Variants in SAMMSON observed in about 807,000 individuals in gnomAD.
SAMMSON encodes the protein survival associated mitochondrial melanoma specific oncogenic non-coding RNA.
At chr3:70,212,011 C>T (rs1701356316) in intron 4 of SAMMSON, among the ~76,000 whole-genome samples, 1 of 151,728 alleles carries the variant, frequency 6.6e-6, no homozygotes, top group Non-Finnish European at 1.5e-5. Context: ...GTATTTTTTC[C>T]TTAAGACTTT....
At chr3:70,149,990 T>TA (rs2067564702) in intron 4 of SAMMSON, among the ~76,000 whole-genome samples, 1 of 152,088 alleles carries the variant, frequency 6.6e-6, no homozygotes, top group South Asian at 2.1e-4. Flanking sequence ...TTTCAAAACT[T>TA]AATCATTACC....
chr3:70,050,339 C>T (rs2067141531), intron 3 of SAMMSON, among the ~76,000 whole-genome samples: 1 of 152,218 alleles, frequency 6.6e-6, no homozygotes, highest in Middle Eastern at 3.4e-3. Context: ...ATCTCACAAC[C>T]CCACCCAGGA....
At chr3:70,247,573 C>T (rs1216936354) in intron 4 of SAMMSON, among the ~76,000 whole-genome samples, 4 of 151,804 alleles carry the variant, frequency 2.6e-5, no homozygotes, top group Non-Finnish European at 5.9e-5. Flanking sequence ...ATCAATGCCA[C>T]AACTCAATTC....
chr3:70,078,493 C>T (rs569910634), intron 4 of SAMMSON, among the ~76,000 whole-genome samples: 1 of 152,222 alleles, frequency 6.6e-6, no homozygotes, highest in Admixed American at 6.5e-5. Flanking sequence ...GTTCTGTAGG[C>T]AGCCTTCAGA....
chr3:70,144,171 T>C (rs933714818), intron 4 of SAMMSON, among the ~76,000 whole-genome samples: 1 of 152,158 alleles, frequency 6.6e-6, no homozygotes, highest in Non-Finnish European at 1.5e-5. Context: ...TATTTTTACC[T>C]TGACTTTTTT....
intron 4 of SAMMSON, among the ~76,000 whole-genome samples, chr3:70,119,089 G>A (rs1559518126): frequency 6.6e-6 from 1 of 151,770 alleles, no homozygotes; most frequent in African/African-American, 2.4e-5. Flanking sequence ...TTTTTGAGAC[G>A]GAGTTTCGCT....
chr3:70,407,069 C>T (rs1462851149), intron 2 of SAMMSON, among the ~76,000 whole-genome samples: 4 of 152,162 alleles, frequency 2.6e-5, no homozygotes, highest in Admixed American at 1.3e-4. Context: ...AGGGAAAACC[C>T]TGATATAACC....
chr3:70,097,173 G>C (rs1383492203), intron 4 of SAMMSON, among the ~76,000 whole-genome samples: 1 of 152,170 alleles, frequency 6.6e-6, no homozygotes, highest in African/African-American at 2.4e-5. Context: ...TCTGGTAGAT[G>C]ATTGTGGGAT....
chr3:70,127,488 G>T (rs1387646176), intron 4 of SAMMSON, among the ~76,000 whole-genome samples: 2 of 152,250 alleles, frequency 1.3e-5, no homozygotes, highest in East Asian at 3.9e-4. Flanking sequence ...GATAATGGCT[G>T]CATTTCCTAT....
chr3:70,415,952 G>A (rs544702926), intron 2 of SAMMSON, among the ~76,000 whole-genome samples: 8 of 152,052 alleles, frequency 5.3e-5, no homozygotes, highest in East Asian at 1.9e-4. Flanking sequence ...TGTCTATCTC[G>A]TTCTCCTATC....
At chr3:70,051,397 TA>T (rs556328960) in intron 3 of SAMMSON, among the ~76,000 whole-genome samples, 402 of 147,578 alleles carry the variant, frequency 2.7e-3, no homozygotes, top group Non-Finnish European at 4.1e-3. Context: ...AAATCATATA[TA>T]AATATTTATT....
intron 6 of SAMMSON, among the ~76,000 whole-genome samples, chr3:70,262,511 C>A (rs779955587): frequency 2.1e-4 from 32 of 152,056 alleles, no homozygotes; most frequent in Admixed American, 3.9e-4. Flanking sequence ...GGCTTGGGGG[C>A]TCTGGAATGC....
intron 4 of SAMMSON, chr3:70,172,695 T>C (rs1012229467): frequency 2.0e-5 from 3 of 151,974 alleles, no homozygotes; most frequent in Non-Finnish European, 4.4e-5. Context: ...CTGTCCCTTA[T>C]AGCGATAACC....
At chr3:70,163,714 G>A (rs371049242) in intron 4 of SAMMSON, among the ~76,000 whole-genome samples, 6 of 152,048 alleles carry the variant, frequency 3.9e-5, no homozygotes, top group Admixed American at 1.3e-4. Context: ...CTGACGATGC[G>A]GGGAGGGATT....
chr3:70,422,592 A>G (rs1419485527), intron 2 of SAMMSON, among the ~76,000 whole-genome samples: 1 of 151,946 alleles, frequency 6.6e-6, no homozygotes, highest in Non-Finnish European at 1.5e-5. Context: ...GTAAACATCT[A>G]AAAAAATTAA....
chr3:70,026,947 G>A (rs1258229656), intron 3 of SAMMSON, among the ~76,000 whole-genome samples: 2 of 152,144 alleles, frequency 1.3e-5, no homozygotes, highest in Non-Finnish European at 2.9e-5. Flanking sequence ...CATCATTTTA[G>A]CACTGACTCC....
At chr3:70,157,365 C>A (rs911896854) in intron 4 of SAMMSON, among the ~76,000 whole-genome samples, 3 of 151,964 alleles carry the variant, frequency 2.0e-5, no homozygotes, top group African/African-American at 7.2e-5. Flanking sequence ...AGCCCTCAGG[C>A]AAGGGGGAGT....
chr3:70,096,755 C>T (rs2067324389), intron 4 of SAMMSON, among the ~76,000 whole-genome samples: 1 of 152,114 alleles, frequency 6.6e-6, no homozygotes. Context: ...TTAACAGCAA[C>T]ATGTTGTTAT....
At chr3:70,290,983 C>T (rs1056143415) in intron 6 of SAMMSON, among the ~76,000 whole-genome samples, 83 of 152,152 alleles carry the variant, frequency 5.5e-4, no homozygotes, top group African/African-American at 1.9e-3. Context: ...GAGATGAACC[C>T]GGTACCTCAG....
Sources: gnomAD v4.1 joint callset for allele counts (sites outside exome capture counted in the v4.1 genomes callset) on GRCh38, gnomAD v4.1.1 for gene constraint, MANE v1.5 for transcripts, NCBI Gene and HGNC (gene_info 2026-07-23, HGNC 2026-07-21) for gene names.